HDAC8: variants seen among roughly 807,000 people sequenced by gnomAD.
The protein encoded by HDAC8 is histone deacetylase-like 1.
HDAC8 carries 1 observed loss-of-function variant against 32.2 expected under a neutral mutation model. The ratio of observed to expected loss-of-function variants is 0.03; its 90% CI spans 0.01 to 0.15. The LOEUF (loss-of-function observed/expected upper bound fraction) is 0.15, where lower values mean the gene tolerates loss of function less well. HDAC8 is among the 10% of genes least tolerant of loss of function. The pLI is 1.00. For synonymous variants in HDAC8, 108 were observed against 113.9 expected (o/e 0.95, Z 0.33); for missense variants, 117 against 300.0 (o/e 0.39, Z 4.51).
At chrX:72,423,131 GC>G (rs1341205303) in intron 9 of HDAC8, among the ~76,000 whole-genome samples, 2 of 111,435 alleles carry the variant, frequency 1.8e-5, no homozygotes, top group African/African-American at 3.3e-5. Context: ...ACCCTGAGAT[GC>G]TTTTTCCTTT....
intron 9 of HDAC8, among the ~76,000 whole-genome samples, chrX:72,352,503 A>G (rs2044212199): frequency 9.0e-6 from 1 of 111,158 alleles, no homozygotes; most frequent in South Asian, 3.8e-4. Context: ...ATTTTTCAAC[A>G]GTGACCCAAT....
At chrX:72,409,072 C>T (rs1183926696) in intron 9 of HDAC8, among the ~76,000 whole-genome samples, 5 of 112,182 alleles carry the variant, frequency 4.5e-5, no homozygotes, top group South Asian at 7.4e-4. Context: ...AACTTTTCTA[C>T]GTGTATATTC....
At chrX:72,339,496 G>T (rs1437130130) in intron 10 of HDAC8, among the ~76,000 whole-genome samples, 1 of 112,494 alleles carries the variant, frequency 8.9e-6, no homozygotes, top group African/African-American at 3.2e-5. Flanking sequence ...GTTTATTGAA[G>T]GGCAAAGGAG....
At position 72,535,875 on chromosome X, in the gene HDAC8, T is replaced by C. The variant is rs140261351; in HGVS notation, c.437+32014A>G. 3.3e-3 allele frequency among the ~76,000 whole-genome samples: 365 copies of C among 111,905 alleles called. 1 individual carries two copies. Among genetic ancestry groups the C allele is most frequent in the Middle Eastern group, 0.014 (3 of 218 alleles). ...TTTTATTTCCTGAGATTTCTTTCAG[T>C]TGGAGCACACCCGTACTTGATCTTT... On this transcript the variant is annotated intron_variant, in intron 4 of 10. Transcript: ENST00000373573.
At position 72,378,349 on chromosome X, in the gene HDAC8, G is replaced by A. The variant is rs1380094830; in HGVS notation, c.1006-26511C>T. Among the ~76,000 whole-genome samples the A allele has an allele frequency of 3.6e-5, 4 of 111,386 alleles. No homozygotes were observed. In the East Asian group the frequency reaches 1.1e-3, roughly 31 times the overall value. On this transcript the variant is annotated intron_variant, in intron 9 of 10. Coordinates refer to ENST00000373573, the MANE Select transcript of HDAC8 (RefSeq NM_018486.3). The stretch of plus-strand genomic sequence containing the variant: ...CAGAAATGGATTAGTTCCTGCAAGA[G>A]TGGGTTGTTATAAAGCCCCTCAGAT...
At chrX:72,490,797 C>CA (rs1216640196) in intron 6 of HDAC8, 132 bp downstream of exon 6, 4,052 of 357,269 alleles carry the variant, frequency 0.011, no homozygotes, top group South Asian at 0.014. Flanking sequence ...AATGAAAATG[C>CA]AAAAAAAAAA....
At chrX:72,517,253 T>C (rs2049837720) in intron 4 of HDAC8, among the ~76,000 whole-genome samples, 1 of 112,063 alleles carries the variant, frequency 8.9e-6, no homozygotes, top group South Asian at 3.7e-4. Flanking sequence ...TCAAATCTTC[T>C]GCCTATATTT....
At chrX:72,474,687 C>T in intron 7 of HDAC8, 1 of 1,206,326 alleles carries the variant, frequency 8.3e-7, no homozygotes, top group Non-Finnish European at 1.1e-6. Context: ...CAAGCTGCGG[C>T]AGCTGCTTCT....
chrX:72,356,481 C>G (rs1276846610), intron 9 of HDAC8, among the ~76,000 whole-genome samples: 2 of 111,999 alleles, frequency 1.8e-5, no homozygotes, highest in Non-Finnish European at 3.8e-5. Context: ...TTGTTTTGTT[C>G]CCTGCTGCAT....
At chrX:72,337,772 T>C (rs2043746849) in intron 10 of HDAC8, among the ~76,000 whole-genome samples, 1 of 111,711 alleles carries the variant, frequency 9.0e-6, no homozygotes. Flanking sequence ...CACAATAAAA[T>C]CTAAGTTACT....
chrX:72,451,036 A>T (rs1555987239), intron 9 of HDAC8, among the ~76,000 whole-genome samples: 1 of 111,595 alleles, frequency 9.0e-6, no homozygotes, highest in Admixed American at 9.6e-5. Context: ...AAAATCTGAA[A>T]TCCAAAACAT....
At chrX:72,493,736 G>C (rs1413065510) in intron 5 of HDAC8, among the ~76,000 whole-genome samples, 1 of 111,117 alleles carries the variant, frequency 9.0e-6, no homozygotes, top group African/African-American at 3.3e-5. Flanking sequence ...TTGGTCTGTC[G>C]CCCAAGCTGG....
At chrX:72,559,767 T>C (rs1166810571) in intron 4 of HDAC8, among the ~76,000 whole-genome samples, 6 of 108,147 alleles carry the variant, frequency 5.5e-5, no homozygotes, top group Non-Finnish European at 1.9e-5. Flanking sequence ...CCGCCCCGTC[T>C]GAGAAGTGAA....
At chrX:72,491,096 G>A (rs2048856151) in intron 5 of HDAC8, 90 bp from the exon 6 acceptor site, 1 of 586,481 alleles carries the variant, frequency 1.7e-6, no homozygotes, top group Non-Finnish European at 2.9e-6. Context: ...CTGTGAGAAG[G>A]AGGGTAGATG....
At chrX:72,351,913 C>T (rs1262982705) in intron 9 of HDAC8, 75 bp from the exon 10 acceptor site, 26 of 720,733 alleles carry the variant, frequency 3.6e-5, no homozygotes, top group Non-Finnish European at 5.0e-5. Context: ...TACAAACAAT[C>T]AAAAGAAACT....
chrX:72,342,480 T>C (rs1038571158), intron 10 of HDAC8, among the ~76,000 whole-genome samples: 2 of 112,490 alleles, frequency 1.8e-5, no homozygotes, highest in Non-Finnish European at 1.9e-5. Flanking sequence ...AGCCTCCAGG[T>C]AGACTGACAA....
intron 9 of HDAC8, among the ~76,000 whole-genome samples, chrX:72,446,898 C>T (rs1299187401): frequency 9.0e-6 from 1 of 111,671 alleles, no homozygotes; most frequent in Admixed American, 9.5e-5. Flanking sequence ...AGGAAGAAAT[C>T]GAATCCCTGA....
chrX:72,408,412 T>C (rs1158593861), intron 9 of HDAC8, among the ~76,000 whole-genome samples: 2 of 111,095 alleles, frequency 1.8e-5, no homozygotes, highest in Non-Finnish European at 3.8e-5. Flanking sequence ...CTTTCTTTCT[T>C]TATTTTTTTT....
intron 4 of HDAC8, among the ~76,000 whole-genome samples, chrX:72,508,873 AG>A (rs1392085876): frequency 8.9e-6 from 1 of 112,034 alleles, no homozygotes; most frequent in Non-Finnish European, 1.9e-5. Flanking sequence ...ACTCAGTCTC[AG>A]GTATTCAGTT....
Sources: allele counts gnomAD v4.1 joint callset (sites outside exome capture counted in the v4.1 genomes callset), GRCh38; gene constraint gnomAD v4.1.1; transcripts MANE v1.5; gene names NCBI Gene and HGNC (gene_info 2026-07-23, HGNC 2026-07-21).